The following ELOVL6 variants were observed in gnomAD, a reference collection of about 807,000 sequenced individuals.
ELOVL6 encodes very long chain fatty acid elongase 6.
ELOVL6 carries 8 observed loss-of-function variants against 31.7 expected under a neutral mutation model. The observed-to-expected ratio is 0.25, with a 90% CI of 0.15 to 0.45. ELOVL6 has a LOEUF of 0.45. Among genes scored for constraint, ELOVL6 ranks in the 20% least tolerant of loss-of-function variants. The pLI is 1.00. For synonymous variants in ELOVL6, 101 were observed against 117.7 expected, an observed-to-expected ratio of 0.86 and a Z score of 0.92; for missense variants, 126 against 326.4, an observed-to-expected ratio of 0.39 and a Z score of 4.73.
intron 1 of ELOVL6, among the ~76,000 whole-genome samples, chr4:110,112,624 A>C (rs1578489336): frequency 6.6e-6 from 1 of 151,946 alleles, no homozygotes; most frequent in South Asian, 2.1e-4. Context: ...TGTAATCCCA[A>C]CACTTCGGGA....
At chr4:110,053,071 C>G (rs1180971795) in intron 3 of ELOVL6, among the ~76,000 whole-genome samples, 1 of 152,174 alleles carries the variant, frequency 6.6e-6, no homozygotes, top group Non-Finnish European at 1.5e-5. Context: ...ATAGCTGAGA[C>G]TGCAGGCATG....
chr4:110,174,078 T>A (rs1462852050), intron 1 of ELOVL6, among the ~76,000 whole-genome samples: 2 of 151,582 alleles, frequency 1.3e-5, no homozygotes, highest in Non-Finnish European at 2.9e-5. Flanking sequence ...TTAAAAAAGA[T>A]TAACCCACAA....
chr4:110,127,927 G>T (rs948009532), intron 1 of ELOVL6, among the ~76,000 whole-genome samples: 33 of 152,010 alleles, frequency 2.2e-4, no homozygotes, highest in Admixed American at 1.3e-4. Flanking sequence ...AAGGAAACAG[G>T]CTGGGCACAG....
At chr4:110,083,841 T>G (rs918113256) in intron 2 of ELOVL6, among the ~76,000 whole-genome samples, 7 of 149,132 alleles carry the variant, frequency 4.7e-5, no homozygotes, top group Non-Finnish European at 1.0e-4. Context: ...TTTGGCAGTA[T>G]AGCTGCTTAG....
intron 1 of ELOVL6, among the ~76,000 whole-genome samples, chr4:110,119,243 G>A (rs190102348): frequency 5.0e-4 from 76 of 152,144 alleles, no homozygotes; most frequent in African/African-American, 1.6e-3. Context: ...GTTGCAGTGA[G>A]CTGAGATTGC....
chr4:110,190,198 A>G (rs1485700273), intron 1 of ELOVL6, among the ~76,000 whole-genome samples: 1 of 152,092 alleles, frequency 6.6e-6, no homozygotes, highest in African/African-American at 2.4e-5. Context: ...TGTCTAATTT[A>G]TCTCAGCAAA....
chr4:110,126,645 T>G (rs1432992026), intron 1 of ELOVL6, among the ~76,000 whole-genome samples: 1 of 152,202 alleles, frequency 6.6e-6, no homozygotes, highest in Non-Finnish European at 1.5e-5. Flanking sequence ...TAATCTTATG[T>G]GTTTCTCAAA....
intron 2 of ELOVL6, among the ~76,000 whole-genome samples, chr4:110,061,549 CT>C (rs57846282): frequency 2.9e-3 from 207 of 72,360 alleles, no homozygotes; most frequent in Admixed American, 3.6e-3. Context: ...CAAATGATGG[CT>C]TTTTTTTTTT....
chr4:110,175,901 CAT>C lies in ELOVL6; in HGVS notation c.89+22344_89+22345del, dbSNP rs796348774. 5.9e-5 allele frequency among the ~76,000 whole-genome samples: 9 copies of C among 152,190 alleles called. 1 individual carries two copies. The highest frequency in any genetic ancestry group is 2.2e-4 in the African/African-American group (9 of 41,532). On this transcript the variant is annotated intron_variant, in intron 1 of 3. Coordinates refer to ENST00000302274, the MANE Select transcript of ELOVL6 (RefSeq NM_024090.3). ...TCACAGAGCTTTCTCAATGTGGGGT[CAT>C]GTTTTAGGATCTCATGTCATGTAAT...
intron 1 of ELOVL6, among the ~76,000 whole-genome samples, chr4:110,150,800 T>C (rs1758256308): frequency 6.6e-6 from 1 of 152,198 alleles, no homozygotes; most frequent in Non-Finnish European, 1.5e-5. Flanking sequence ...CCCAGCACTT[T>C]GGGAAGCCGA....
chr4:110,173,497 C>T (rs1284484945), intron 1 of ELOVL6, among the ~76,000 whole-genome samples: 5 of 150,936 alleles, frequency 3.3e-5, no homozygotes, highest in Non-Finnish European at 5.9e-5. Context: ...TGCAAAAGGC[C>T]ACCTTTACTT....
At chr4:110,193,751 A>T (rs1206531263) in intron 1 of ELOVL6, among the ~76,000 whole-genome samples, 8 of 152,242 alleles carry the variant, frequency 5.3e-5, no homozygotes, top group African/African-American at 1.9e-4. Context: ...TACAGAATAC[A>T]AAATGTTAAA....
intron 3 of ELOVL6, among the ~76,000 whole-genome samples, chr4:110,054,402 C>G (rs1358349792): frequency 6.6e-6 from 1 of 152,138 alleles, no homozygotes; most frequent in Non-Finnish European, 1.5e-5. Flanking sequence ...TCCTCCAATC[C>G]CTCTGTGGAC....
At chr4:110,080,813 C>A (rs1394105962) in intron 2 of ELOVL6, among the ~76,000 whole-genome samples, 1 of 152,050 alleles carries the variant, frequency 6.6e-6, no homozygotes, top group Non-Finnish European at 1.5e-5. Context: ...TCCCTGTTTG[C>A]AGATGACATG....
At position 110,163,566 on chromosome 4, in the gene ELOVL6, C is replaced by T. The variant is rs1379855095; in HGVS notation, c.89+34681G>A. Among the ~76,000 whole-genome samples the T allele has an allele frequency of 2.0e-5, 3 of 152,104 alleles. No individual in the cohort carries two copies. The East Asian group carries it at 5.8e-4, about 29-fold the overall frequency. ...TGGACTGACCGCATAGTGTAGCAGA[C>T]TGGGATGAAGGCCAAGTCTTATCAT... On this transcript the variant is annotated intron_variant, in intron 1 of 3. Coordinates refer to ENST00000302274, the MANE Select transcript of ELOVL6 (RefSeq NM_024090.3).
At chr4:110,124,699 T>G (rs543313567) in intron 1 of ELOVL6, among the ~76,000 whole-genome samples, 1 of 151,234 alleles carries the variant, frequency 6.6e-6, no homozygotes, top group Non-Finnish European at 1.5e-5. Context: ...TGCACATGTA[T>G]CCTGGAACTT....
At chr4:110,060,606 AACAC>A (rs368584508) in intron 2 of ELOVL6, among the ~76,000 whole-genome samples, 1 of 152,228 alleles carries the variant, frequency 6.6e-6, no homozygotes, top group African/African-American at 2.4e-5. Flanking sequence ...AGGCTCAAGA[AACAC>A]AACCTGCCAT....
intron 1 of ELOVL6, among the ~76,000 whole-genome samples, chr4:110,180,444 T>C (rs1224205507): frequency 1.3e-5 from 2 of 152,214 alleles, no homozygotes. Flanking sequence ...AGTGGAGTAG[T>C]ACAATCATGG....
intron 1 of ELOVL6, among the ~76,000 whole-genome samples, chr4:110,193,077 T>A (rs1759669866): frequency 6.6e-6 from 1 of 152,192 alleles, no homozygotes; most frequent in Non-Finnish European, 1.5e-5. Flanking sequence ...CAAGGAAGAC[T>A]TCAGGAAGCA....
Sources: gnomAD v4.1 joint callset for allele counts (sites outside exome capture counted in the v4.1 genomes callset) on GRCh38, gnomAD v4.1.1 for gene constraint, MANE v1.5 for transcripts, NCBI Gene and HGNC (gene_info 2026-07-23, HGNC 2026-07-21) for gene names.